PCDHGB2: variants seen among roughly 807,000 people sequenced by gnomAD.
PCDHGB2 encodes the protein protocadherin gamma subfamily B, 2, also known as protocadherin gamma-B2.
A neutral mutation model predicts 59.3 loss-of-function variants in PCDHGB2; 55 were observed. The observed-to-expected ratio is 0.93, with a 90% CI of 0.75 to 1.16. The LOEUF (loss-of-function observed/expected upper bound fraction) is 1.16, where lower values mean the gene tolerates loss of function less well. Among genes scored for constraint, PCDHGB2 ranks in the 50% most tolerant of loss-of-function variants. The pLI, the probability that PCDHGB2 is intolerant of heterozygous loss-of-function variation, is 0.00. For synonymous variants in PCDHGB2, 516 were observed against 512.0 expected, an observed-to-expected ratio of 1.01 and a Z score of -0.11; for missense variants, 1,228 against 1,198.5, an observed-to-expected ratio of 1.02 and a Z score of -0.36.
At chr5:141,482,089 C>CA (rs36035257) in intron 1 of PCDHGB2, among the ~76,000 whole-genome samples, 13,509 of 134,292 alleles carry the variant, frequency 0.1, 910 homozygotes, top group African/African-American at 0.2. Context: ...CACTCCATCT[C>CA]AAAAAAAAAA....
In PCDHGB2 at chr5:141,448,679, G is replaced by A. The variant is rs113043083; in HGVS notation, c.2422-46128G>A. On this transcript the variant is annotated intron_variant, in intron 1 of 3. Coordinates refer to ENST00000522605, the MANE Select transcript of PCDHGB2 (RefSeq NM_018923.3). Reference sequence around the variant, plus strand: ...ATATTGGCCGGGCGCGGTGGCTCACGCCTGTAATCGCAGCACTTTGGGAGG... The same window carrying A: ...ATATTGGCCGGGCGCGGTGGCTCACACCTGTAATCGCAGCACTTTGGGAGG... Among the ~76,000 whole-genome samples the A allele has an allele frequency of 8.3e-3, 1,260 of 152,126 alleles. 17 individuals are homozygous for A. Among genetic ancestry groups the A allele is most frequent in the African/African-American group, 0.029 (1,195 of 41,496 alleles).
intron 1 of PCDHGB2, chr5:141,410,641 T>G: frequency 6.3e-7 from 1 of 1,599,146 alleles, no homozygotes. Context: ...CTTTTTTGTG[T>G]GTGATTTATC....
At chr5:141,399,189 A>G (rs1015744299) in intron 1 of PCDHGB2, 11 of 1,613,970 alleles carry the variant, frequency 6.8e-6, no homozygotes, top group African/African-American at 1.3e-5. Context: ...TGATTCTGGA[A>G]AACGCGGTGC....
Position 141,362,256 on chromosome 5 carries a change from G to A in PCDHGB2, c.2121G>A (p.Val707=), listed in dbSNP as rs775272258. 1 of 1,614,020 alleles carries A rather than the reference G, an allele frequency of 6.2e-7. No individual in the cohort carries two copies. Among genetic ancestry groups the A allele is most frequent in the Non-Finnish European group, 8.5e-7 (1 of 1,179,894 alleles). Residue 707 remains valine, a synonymous_variant, in exon 1 of 4, where the codon GTG becomes GTA. Coordinates refer to ENST00000522605, the MANE Select transcript of PCDHGB2 (RefSeq NM_018923.3). ...TCTCAGTGCTCTTCTTCCTCGCGGT[G>A]ATTCTGGCAATCTCCCTGCGCCTGC... ...ALISVLFFLA[V]ILAISLRLRL...
chr5:141,505,577 G>A lies in PCDHGB2; in HGVS notation c.2569+96G>A, dbSNP rs537948666. 8.2e-6 allele frequency: 13 copies of A among 1,589,854 alleles called. No homozygotes were observed. The African/African-American group carries it at 1.1e-4, about 13-fold the overall frequency. Reference sequence around the variant, plus strand: ...TGCCCACGGACTGGATGTCAAACCTGTGTAGTTTCTCCAGATCTTTCGGCA... The same window carrying A: ...TGCCCACGGACTGGATGTCAAACCTATGTAGTTTCTCCAGATCTTTCGGCA... On this transcript the variant is annotated intron_variant, in intron 3 of 3. Coordinates refer to ENST00000522605, the MANE Select transcript of PCDHGB2 (RefSeq NM_018923.3).
At chr5:141,497,904 A>G (rs939422338) in intron 2 of PCDHGB2, among the ~76,000 whole-genome samples, 2 of 152,136 alleles carry the variant, frequency 1.3e-5, no homozygotes, top group African/African-American at 2.4e-5. Context: ...AGTAACTTCA[A>G]CTTCTCTCCT....
At chr5:141,399,564 G>C (rs1284243936) in intron 1 of PCDHGB2, 3 of 1,614,038 alleles carry the variant, frequency 1.9e-6, no homozygotes, top group East Asian at 4.5e-5. Flanking sequence ...ACTTGGGGTT[G>C]AACGGCCAAG....
intron 1 of PCDHGB2, among the ~76,000 whole-genome samples, chr5:141,454,194 G>A (rs949915652): frequency 6.6e-5 from 10 of 152,304 alleles, no homozygotes; most frequent in Non-Finnish European, 4.4e-5. Context: ...CTTAGTGAAG[G>A]TGAATTTATT....
At chr5:141,370,613 A>G (rs753080361) in intron 1 of PCDHGB2, 6 of 1,613,908 alleles carry the variant, frequency 3.7e-6, no homozygotes, top group Non-Finnish European at 5.1e-6. Context: ...CAGAGAAGAA[A>G]TTCTTTACCG....
At chr5:141,498,669 C>T (rs774292307) in intron 2 of PCDHGB2, among the ~76,000 whole-genome samples, 29 of 152,156 alleles carry the variant, frequency 1.9e-4, no homozygotes, top group African/African-American at 6.0e-4. Flanking sequence ...TGGTGGCTCA[C>T]GCCTGTAATC....
chr5:141,479,109 A>G (rs925202951), intron 1 of PCDHGB2, among the ~76,000 whole-genome samples: 4 of 152,234 alleles, frequency 2.6e-5, no homozygotes, highest in Admixed American at 2.6e-4. Context: ...TATTTCAAGC[A>G]TTCTACTGGA....
At chr5:141,407,956 A>G (rs2095008608) in intron 1 of PCDHGB2, 1 of 645,868 alleles carries the variant, frequency 1.5e-6, no homozygotes, top group African/African-American at 1.8e-5. Flanking sequence ...CGGCCAGTGC[A>G]GAGCAAGCGC....
Position 141,364,754 on chromosome 5 carries a change from G to T in PCDHGB2, c.2421+2198G>T. ...CCGGGATGAAGAGTTAAAAGTAAAA[G>T]TTAATGAAAATGCGGCTGCAGGGAC... On this transcript the variant is annotated intron_variant, in intron 1 of 3. Transcript: ENST00000522605. The T allele has an allele frequency of 6.2e-7, 1 of 1,613,988 alleles. No individual in the cohort carries two copies. The highest frequency in any genetic ancestry group is 8.5e-7 in the Non-Finnish European group (1 of 1,179,900).
intron 1 of PCDHGB2, chr5:141,395,603 G>C: frequency 5.0e-6 from 1 of 198,204 alleles, no homozygotes; most frequent in Non-Finnish European, 1.0e-5. Context: ...TCCCAAACTA[G>C]AACTTCAGAA....
chr5:141,364,224 C>A (rs538812851), intron 1 of PCDHGB2: 2 of 1,356,132 alleles, frequency 1.5e-6, no homozygotes, highest in East Asian at 5.0e-5. Flanking sequence ...GAAAAGCCAA[C>A]GCTCCACGCC....
At chr5:141,388,619 C>T (rs369637121) in intron 1 of PCDHGB2, 3 of 1,613,852 alleles carry the variant, frequency 1.9e-6, no homozygotes, top group Non-Finnish European at 2.5e-6. Context: ...TCAGTCAAGA[C>T]GTATACAGGG....
intron 1 of PCDHGB2, chr5:141,408,869 A>G (rs754873472): frequency 1.9e-6 from 3 of 1,613,572 alleles, no homozygotes; most frequent in African/African-American, 2.7e-5. Flanking sequence ...CCCACCAAGA[A>G]GTGCCACCGC....
At position 141,432,185 on chromosome 5, in the gene PCDHGB2, G is replaced by A. The variant is rs376661062; in HGVS notation, c.2422-62622G>A. 8.1e-6 allele frequency: 13 copies of A among 1,613,956 alleles called. No individual in the cohort carries two copies. The African/African-American group carries it at 1.3e-4, about 17-fold the overall frequency. On this transcript the variant is annotated intron_variant, in intron 1 of 3. Transcript: ENST00000522605. This position sits in a 1 kb window ranked among gnomAD's most constrained non-coding sequence, Gnocchi z 6.0. ...AGGAGTTTCCCTCGTCTCTGTGACC[G>A]CCCACGACCCCGACTGTGAAGAGAA...
Position 141,477,653 on chromosome 5 carries a change from A to C in PCDHGB2, c.2422-17154A>C. ...GCTAGTGGGTCGCTATTTCACAATA[A>C]ATCGTGACAATGGCATAGTGTCATC... On this transcript the variant is annotated intron_variant, in intron 1 of 3. Transcript: ENST00000522605. The surrounding 1 kb of genome is among the most constrained non-coding windows in gnomAD (Gnocchi z 4.9). The C allele has an allele frequency of 1.2e-6, 2 of 1,614,204 alleles. No individual in the cohort carries two copies. Among genetic ancestry groups the C allele is most frequent in the Non-Finnish European group, 1.7e-6 (2 of 1,180,036 alleles).
Sources: gnomAD v4.1 joint callset for allele counts (sites outside exome capture counted in the v4.1 genomes callset) on GRCh38, gnomAD v4.1.1 for gene constraint, Gnocchi (gnomAD v3.1) non-coding constraint, MANE v1.5 for transcripts, NCBI Gene and HGNC (gene_info 2026-07-23, HGNC 2026-07-21) for gene names.